E2F6: variants seen among roughly 807,000 people sequenced by gnomAD.
E2F6 encodes transcription factor E2F6.
A neutral mutation model predicts 31.5 loss-of-function variants in E2F6; 19 were observed. That is an observed-to-expected ratio of 0.60 (90% CI 0.42 to 0.89). The LOEUF (loss-of-function observed/expected upper bound fraction) is 0.89, where lower values mean the gene tolerates loss of function less well. Among genes scored for constraint, E2F6 ranks in the 40% least tolerant of loss-of-function variants. E2F6 has a pLI of 0.00. For missense variants in E2F6, 269 were observed against 341.6 expected (o/e 0.79, Z 1.67); for synonymous variants, 121 against 127.7 (o/e 0.95, Z 0.36).
chr2:11,458,235 G>A, intron 1 of E2F6: 1 of 1,546,208 alleles, frequency 6.5e-7, no homozygotes, highest in East Asian at 2.4e-5. Flanking sequence ...ACTCTAAGAA[G>A]AGAATCAACA....
intron 1 of E2F6, chr2:11,458,397 A>G: frequency 6.5e-7 from 1 of 1,542,894 alleles, no homozygotes; most frequent in East Asian, 2.4e-5. Context: ...ACCGGAAATG[A>G]ACAAAGGTGT....
At chr2:11,447,881 T>C (rs906135767) in intron 5 of E2F6, 107 bp from the exon 6 acceptor site, 5 of 1,315,240 alleles carry the variant, frequency 3.8e-6, no homozygotes, top group African/African-American at 2.9e-5. Flanking sequence ...TCACCTTAGC[T>C]GTAGTCACAT....
chr2:11,465,667 G>T (rs1364022452), intron 1 of E2F6, 105 bp downstream of exon 1: 1 of 1,180,076 alleles, frequency 8.5e-7, no homozygotes, highest in Non-Finnish European at 1.2e-6. Context: ...GGCCCAGGGG[G>T]AGCAGACGAC....
chr2:11,463,764 C>T (rs996779065), intron 1 of E2F6, among the ~76,000 whole-genome samples: 3 of 152,056 alleles, frequency 2.0e-5, no homozygotes, highest in Non-Finnish European at 4.4e-5. Flanking sequence ...CCAGCCTGGG[C>T]CCCATAGGAA....
intron 2 of E2F6, 126 bp downstream of exon 2, chr2:11,457,053 A>G: frequency 1.3e-6 from 1 of 754,234 alleles, no homozygotes; most frequent in Non-Finnish European, 2.2e-6. Flanking sequence ...TTGCAACTTT[A>G]CATTTCAGTG....
Position 11,447,683 on chromosome 2 carries a change from G to T in E2F6, c.743C>A (p.Ser248Tyr). The T allele has an allele frequency of 6.2e-7, 1 of 1,612,034 alleles. No homozygotes were observed. The highest frequency in any genetic ancestry group is 1.1e-5 in the South Asian group (1 of 90,984). Residue 248 changes from serine to tyrosine, a missense_variant, in exon 6 of 7, where the codon TCT (serine) becomes TAT (tyrosine). Physicochemically the swap from Ser to Tyr is moderately radical, Grantham distance 144. Transcript: ENST00000381525. ...VEQGQTSNKR[S>Y]EGVGTSSSES... ...AGATGAAGAGGTCCCGACACCTTCA[G>T]ACCTTTTGTTACTGGTCTGACCCTG...
At chr2:11,455,106 G>A (rs1479742566) in intron 2 of E2F6, among the ~76,000 whole-genome samples, 1 of 152,228 alleles carries the variant, frequency 6.6e-6, no homozygotes, top group Admixed American at 6.5e-5. Flanking sequence ...TCTGCAGGTT[G>A]TGGGTTCTAT....
Position 11,446,002 on chromosome 2 carries a change from T to C in E2F6, c.*475A>G, listed in dbSNP as rs1670690039. 6.5e-6 allele frequency: 1 copy of C among 153,590 alleles called. No homozygotes were observed. The highest frequency in any genetic ancestry group is 1.5e-5 in the Non-Finnish European group (1 of 68,788). 9.5% of individuals were successfully genotyped at this position (153,590 alleles called of 1,614,324 possible). On this transcript the variant is annotated 3_prime_UTR_variant, in exon 7 of 7. Coordinates refer to ENST00000381525, the MANE Select transcript of E2F6 (RefSeq NM_198256.4). ...AAAAGTGTCACTCAGACATATTTCG[T>C]AAGTAATCTCAACATTATACAGATA... is the stretch of plus-strand genomic sequence containing the variant.
At chr2:11,446,579 C>G in intron 6 of E2F6, 56 bp from the exon 7 acceptor site, 4 of 1,437,946 alleles carry the variant, frequency 2.8e-6, no homozygotes, top group Non-Finnish European at 3.9e-6. Context: ...AAGTGAAGGT[C>G]TGATAGGCAA....
Position 11,465,821 on chromosome 2 carries a change from T to C in E2F6, c.59A>G (p.Glu20Gly). The C allele has an allele frequency of 6.3e-7, 1 of 1,597,510 alleles. No homozygotes were observed. The highest frequency in any genetic ancestry group is 8.5e-7 in the Non-Finnish European group (1 of 1,173,128). Residue 20 changes from glutamate (E) to glycine (G), a missense_variant, in exon 1 of 7, where the codon GAG (glutamate) becomes GGG (glycine). Transcript: ENST00000381525. ...GTCTCGGCACCGACGGCGAACCGTC[T>C]CCTCCGTCGGGTCCAGGAGGAGACT... ...LPSLLLDPTE[E>G]TVRRRCRDPI...
At position 11,465,727 on chromosome 2, in the gene E2F6, G is replaced by T. The variant is rs934436883; in HGVS notation, c.108+45C>A. The T allele has an allele frequency of 5.2e-6, 8 of 1,547,244 alleles. No homozygotes were observed. The African/African-American group carries it at 1.1e-4, about 21-fold the overall frequency. On this transcript the variant is annotated intron_variant, in intron 1 of 6. Transcript: ENST00000381525. Reference sequence around the variant, plus strand: ...CGGCGGCGCGGGGAGGAGGGGGCCGGATTTGGGAGACCACCGCCCGTCCCC... The same window carrying T: ...CGGCGGCGCGGGGAGGAGGGGGCCGTATTTGGGAGACCACCGCCCGTCCCC...
rs560614807 is a variant in E2F6, at chr2:11,453,541, A to G, written c.380+41T>C. 15 of 1,576,884 alleles carry G rather than the reference A, an allele frequency of 9.5e-6. No homozygotes were observed. In the East Asian group the frequency reaches 3.4e-4, roughly 35 times the overall value. ...TTAAGCATGGAATTGTCACTTGATG[A>G]GAAGGAACAAAAGCCACGAAAAAGT... On this transcript the variant is annotated intron_variant, in intron 3 of 6. Coordinates refer to ENST00000381525, the MANE Select transcript of E2F6 (RefSeq NM_198256.4).
At chr2:11,461,381 C>T (rs532987010) in intron 1 of E2F6, among the ~76,000 whole-genome samples, 2 of 152,274 alleles carry the variant, frequency 1.3e-5, no homozygotes, top group African/African-American at 2.4e-5. Context: ...GATGGAGTTT[C>T]ACTCTTGTTG....
chr2:11,465,178 C>CAAAAAAAAAAAAAAAAAAAAAAAAAAA (rs59561027), intron 1 of E2F6, among the ~76,000 whole-genome samples: 3 of 88,588 alleles, frequency 3.4e-5, no homozygotes, highest in East Asian at 7.2e-4. Flanking sequence ...AACTCAATCT[C>CAAAAAAAAAAAAAAAAAAAAAAAAAAA]AAAAAAAAAA....
intron 6 of E2F6, among the ~76,000 whole-genome samples, chr2:11,447,085 C>T (rs1391454622): frequency 6.6e-6 from 1 of 152,198 alleles, no homozygotes; most frequent in Non-Finnish European, 1.5e-5. Context: ...TCAGGCAATT[C>T]CACTATTTGG....
Position 11,457,077 on chromosome 2 carries a change from T to C in E2F6, c.163+102A>G. ...TACATTTCAGTGTACACATAACAAA[T>C]TGTATTTCAGTTTCTCATCAACTCA... On this transcript the variant is annotated intron_variant, in intron 2 of 6. Transcript: ENST00000381525. 6.6e-6 allele frequency: 6 copies of C among 915,502 alleles called. No individual in the cohort carries two copies. The South Asian group carries it at 7.3e-5, about 11-fold the overall frequency. The allele number at this position is 915,502 out of a possible 1,614,324, so 56.7% of individuals were successfully genotyped here.
intron 1 of E2F6, among the ~76,000 whole-genome samples, chr2:11,465,187 AAAAAAAAAAG>A (rs1213852345): frequency 2.7e-5 from 4 of 148,470 alleles, no homozygotes; most frequent in African/African-American, 4.9e-5. Flanking sequence ...TCAAAAAAAA[AAAAAAAAAAG>A]AAAAAAAAGA....
At chr2:11,455,059 C>A (rs1235729276) in intron 2 of E2F6, among the ~76,000 whole-genome samples, 2 of 152,162 alleles carry the variant, frequency 1.3e-5, no homozygotes, top group African/African-American at 4.8e-5. Flanking sequence ...CTTAACTGGA[C>A]ATTTTTAAGG....
Position 11,453,796 on chromosome 2 carries a change from C to G in E2F6, c.166G>C (p.Ala56Pro). ...AAACGAGGTCTCTTCACTTTTAGAG[C>G]TTCTGGGAAACAAAATAAACATATT... ...DNVQYVSMRKALKVKRPRFDV... is the reference protein window; with the variant it reads ...DNVQYVSMRKPLKVKRPRFDV... The change falls in exon 3 of 7, where the codon GCT becomes CCT. Residue 56 changes from alanine (A) to proline (P), a missense_variant and splice_region_variant. Coordinates refer to ENST00000381525, the MANE Select transcript of E2F6 (RefSeq NM_198256.4). The G allele has an allele frequency of 6.2e-7, 1 of 1,608,486 alleles. No homozygotes were observed. The highest frequency in any genetic ancestry group is 8.5e-7 in the Non-Finnish European group (1 of 1,177,938).
Sources: gnomAD v4.1 joint callset for allele counts (sites outside exome capture counted in the v4.1 genomes callset) on GRCh38, gnomAD v4.1.1 for gene constraint, MANE v1.5 for transcripts, NCBI Gene and HGNC (gene_info 2026-07-23, HGNC 2026-07-21) for gene names.